The following KAT6A variants were observed in gnomAD, a reference collection of about 807,000 sequenced individuals.
The protein encoded by KAT6A is lysine acetyltransferase 6A.
A neutral mutation model predicts 198.4 loss-of-function variants in KAT6A; 9 were observed. The ratio of observed to expected loss-of-function variants is 0.05; its 90% CI spans 0.03 to 0.08. KAT6A has a LOEUF of 0.08. Among genes scored for constraint, KAT6A ranks in the 10% least tolerant of loss-of-function variants. The pLI, the probability that KAT6A is intolerant of heterozygous loss-of-function variation, is 1.00. For synonymous variants in KAT6A, 890 were observed against 883.0 expected, an observed-to-expected ratio of 1.01 and a Z score of -0.14; for missense variants, 2,077 against 2,509.9, an observed-to-expected ratio of 0.83 and a Z score of 3.69.
chr8:42,009,356 T>C (rs1332088743), intron 2 of KAT6A, among the ~76,000 whole-genome samples: 1 of 151,838 alleles, frequency 6.6e-6, no homozygotes, highest in South Asian at 2.1e-4. Flanking sequence ...GCTGTTATCT[T>C]AGGAAACTTC....
At chr8:41,980,787 G>T in intron 5 of KAT6A, 59 bp downstream of exon 5, 2 of 1,111,956 alleles carry the variant, frequency 1.8e-6, no homozygotes, top group Admixed American at 1.7e-5. Flanking sequence ...TAGATAAAAT[G>T]TGCTTTCACT....
intron 2 of KAT6A, among the ~76,000 whole-genome samples, chr8:42,003,844 G>A (rs976506156): frequency 1.3e-5 from 2 of 152,116 alleles, no homozygotes; most frequent in Non-Finnish European, 2.9e-5. Context: ...GAGTGTACTC[G>A]CAGAGAAAAG....
intron 5 of KAT6A, among the ~76,000 whole-genome samples, chr8:41,980,188 G>A (rs1042536434): frequency 1.3e-5 from 2 of 152,242 alleles, no homozygotes; most frequent in Non-Finnish European, 2.9e-5. Context: ...GGGTCTGGCT[G>A]AAGTTTTTTT....
At chr8:41,936,766 G>A (rs1821875002) in intron 16 of KAT6A, among the ~76,000 whole-genome samples, 1 of 152,184 alleles carries the variant, frequency 6.6e-6, no homozygotes, top group Admixed American at 6.5e-5. Flanking sequence ...GAACAGATGT[G>A]ACACAAGTTC....
intron 2 of KAT6A, among the ~76,000 whole-genome samples, chr8:42,038,675 A>G (rs1345739421): frequency 6.6e-6 from 1 of 152,214 alleles, no homozygotes; most frequent in African/African-American, 2.4e-5. Flanking sequence ...TCAGATTAGA[A>G]TCACTGTGAT....
rs185884499 is a variant in KAT6A, at chr8:41,954,216, A to T, written c.1598+1080T>A. Among the ~76,000 whole-genome samples the T allele has an allele frequency of 2.6e-5, 4 of 152,362 alleles. No homozygotes were observed. In the East Asian group the frequency reaches 7.7e-4, roughly 29 times the overall value. ...AGCAAGTTATTATATGGAAAGAAAA[A>T]GTAAAAAGATAAATAAGTTTTACTG... On this transcript the variant is annotated intron_variant, in intron 9 of 16. Coordinates refer to ENST00000265713, the MANE Select transcript of KAT6A (RefSeq NM_006766.5).
intron 2 of KAT6A, among the ~76,000 whole-genome samples, chr8:42,014,835 C>T (rs1365202582): frequency 2.6e-5 from 4 of 152,018 alleles, no homozygotes; most frequent in South Asian, 2.1e-4. Flanking sequence ...TGAAATACTT[C>T]GGTACATGCA....
chr8:42,005,054 G>GT (rs1383495115), intron 2 of KAT6A, among the ~76,000 whole-genome samples: 2 of 152,148 alleles, frequency 1.3e-5, no homozygotes, highest in Middle Eastern at 3.4e-3. Context: ...CTGTGTCATA[G>GT]TTTGTTACTT....
chr8:41,947,360 A>G (rs1047643197), intron 11 of KAT6A, among the ~76,000 whole-genome samples: 8 of 152,242 alleles, frequency 5.3e-5, no homozygotes, highest in African/African-American at 1.9e-4. Flanking sequence ...AAAAAAGGAG[A>G]AAATATCCTT....
rs147281939 is a variant in KAT6A, at chr8:42,025,810, C to T, written c.600+22568G>A. On this transcript the variant is annotated intron_variant, in intron 2 of 16. Transcript: ENST00000265713. Reference sequence around the variant, plus strand: ...TTTTTGTTATCCATGCTTTCGAGGTCTTAACCATAAAATCTTTGCCTGTAT... The same window carrying T: ...TTTTTGTTATCCATGCTTTCGAGGTTTTAACCATAAAATCTTTGCCTGTAT... Among the ~76,000 whole-genome samples, 4 of 152,260 alleles carry T rather than the reference C, an allele frequency of 2.6e-5. No individual in the cohort carries two copies. In the East Asian group the frequency reaches 7.7e-4, roughly 29 times the overall value.
At chr8:41,963,635 A>G (rs1160799188) in intron 8 of KAT6A, among the ~76,000 whole-genome samples, 1 of 152,162 alleles carries the variant, frequency 6.6e-6, no homozygotes, top group Non-Finnish European at 1.5e-5. Flanking sequence ...TCCCTTGCTC[A>G]GGTGTTCCTC....
At chr8:41,989,226 T>C (rs1234358005) in intron 2 of KAT6A, among the ~76,000 whole-genome samples, 2 of 152,096 alleles carry the variant, frequency 1.3e-5, no homozygotes, top group East Asian at 1.9e-4. Context: ...AATGCTTATG[T>C]AGCCGGGCAC....
In KAT6A at chr8:42,048,506, C is replaced by G. The variant is rs758236409; in HGVS notation, c.472G>C (p.Gly158Arg). ...RLAIKRAIGH[G>R]RLLKDGPLYR... ...AGAGGTCCATCTTTAAGGAGTCTGC[C>G]GTGGCCAATGGCACGTTTGATAGCC... Residue 158 changes from glycine to arginine, a missense_variant, in exon 2 of 17, where the codon GGC becomes CGC. Gly to Arg is a moderately radical substitution (Grantham distance 125, BLOSUM62 -2). Around this residue, in one of 13 missense-constraint regions of KAT6A, gnomAD observed 185 missense variants for 185.7 expected, o/e 1.00. Transcript: ENST00000265713. 2 of 1,614,010 alleles carry G rather than the reference C, an allele frequency of 1.2e-6. No individual in the cohort carries two copies. The highest frequency in any genetic ancestry group is 2.2e-5 in the East Asian group (1 of 44,898).
intron 9 of KAT6A, among the ~76,000 whole-genome samples, chr8:41,953,894 C>CATACA (rs141160181): frequency 6.0e-4 from 91 of 152,278 alleles, no homozygotes; most frequent in African/African-American, 2.2e-3. Flanking sequence ...ATATACAATA[C>CATACA]ATACATGTAT....
At chr8:41,972,692 A>G (rs1218634061) in intron 8 of KAT6A, among the ~76,000 whole-genome samples, 1 of 152,254 alleles carries the variant, frequency 6.6e-6, no homozygotes, top group Non-Finnish European at 1.5e-5. Flanking sequence ...AGACGTGACA[A>G]CTAAATTAGA....
At chr8:41,947,341 T>G (rs574338650) in intron 11 of KAT6A, among the ~76,000 whole-genome samples, 2 of 152,224 alleles carry the variant, frequency 1.3e-5, no homozygotes, top group Non-Finnish European at 2.9e-5. Flanking sequence ...TCTAAGGGAA[T>G]GGAAGATTAA....
chr8:42,041,737 CAAAAA>C (rs568405744), intron 2 of KAT6A, among the ~76,000 whole-genome samples: 1 of 122,004 alleles, frequency 8.2e-6, no homozygotes, highest in East Asian at 2.3e-4. Context: ...GACTCCATCT[CAAAAA>C]AAAAAAAGAA....
chr8:41,962,284 A>T (rs1823236814), intron 8 of KAT6A, among the ~76,000 whole-genome samples: 1 of 152,096 alleles, frequency 6.6e-6, no homozygotes, highest in African/African-American at 2.4e-5. Flanking sequence ...TTTGAACTCC[A>T]GAGACACATA....
intron 7 of KAT6A, among the ~76,000 whole-genome samples, chr8:41,976,243 CAA>C (rs977712290): frequency 2.0e-5 from 3 of 152,172 alleles, no homozygotes; most frequent in Non-Finnish European, 4.4e-5. Context: ...CCTTGTGGTC[CAA>C]AAGAGTTCAT....
Sources: gnomAD v4.1 joint callset for allele counts (sites outside exome capture counted in the v4.1 genomes callset) on GRCh38, gnomAD v4.1.1 for gene constraint, gnomAD v4.1.1 regional missense constraint, MANE v1.5 for transcripts, NCBI Gene and HGNC (gene_info 2026-07-23, HGNC 2026-07-21) for gene names.